Variants in NLRP9 observed in about 807,000 individuals in gnomAD.
The protein encoded by NLRP9 is NLR family pyrin domain containing 9, also known as NACHT, LRR and PYD domains-containing protein 9.
In NLRP9, 88 loss-of-function variants were observed where a neutral mutation model predicts 83.1. That is an observed-to-expected ratio of 1.06 (90% CI 0.89 to 1.26). NLRP9 has a LOEUF of 1.26. Among genes scored for constraint, NLRP9 ranks in the 50% most tolerant of loss-of-function variants. NLRP9 has a pLI of 0.00. For missense variants in NLRP9, 1,308 were observed against 1,179.3 expected (o/e 1.11, Z -1.60); for synonymous variants, 521 against 447.6 (o/e 1.16, Z -2.07).
chr19:55,714,976 C>T, intron 6 of NLRP9, 79 bp downstream of exon 6: 1 of 1,332,944 alleles, frequency 7.5e-7, no homozygotes, highest in Non-Finnish European at 1.0e-6. Context: ...CTAGCATATC[C>T]CTTTCCTATG....
rs1988522564 is a variant in NLRP9, at chr19:55,729,932, G to A, written c.1893C>T (p.Asn631=). The part of the protein sequence containing the change: ...ELCSMFITNK[N]FQILDMENTS... ...TATTTTCCATGTCTAAAATCTGGAA[G>A]TTCTTGTTGGTAATGAACATTGAGC... The change falls in exon 3 of 9, where the codon AAC becomes AAT. Residue 631 remains asparagine (N), a synonymous_variant. Transcript: ENST00000332836. The A allele has an allele frequency of 6.2e-7, 1 of 1,613,410 alleles. No homozygotes were observed. Among genetic ancestry groups the A allele is most frequent in the Admixed American group, 1.7e-5 (1 of 59,990 alleles).
intron 8 of NLRP9, among the ~76,000 whole-genome samples, chr19:55,710,671 A>AT (rs1987674767): frequency 6.6e-6 from 1 of 152,086 alleles, no homozygotes; most frequent in South Asian, 2.1e-4. Context: ...AGACGTGCCT[A>AT]TTTCTGCTTC....
intron 4 of NLRP9, among the ~76,000 whole-genome samples, chr19:55,717,907 G>A (rs536209730): frequency 6.6e-5 from 10 of 152,200 alleles, no homozygotes; most frequent in Non-Finnish European, 1.5e-4. Context: ...TCCTGCACTC[G>A]TGTGGGGAAA....
rs368327348 is a variant in NLRP9, at chr19:55,712,618, G to A, written c.2502-28C>T. 27 of 1,599,348 alleles carry A rather than the reference G, an allele frequency of 1.7e-5. No homozygotes were observed. The African/African-American group carries it at 2.2e-4, about 13-fold the overall frequency. The stretch of plus-strand genomic sequence containing the variant: ...GGGGAGGTGGAAGACACACAAATAC[G>A]TACACTTATGAGGTCAATCATAACA... On this transcript the variant is annotated intron_variant, in intron 6 of 8. Coordinates refer to ENST00000332836, the MANE Select transcript of NLRP9 (RefSeq NM_176820.4).
At chr19:55,718,211 G>T (rs932060869) in intron 4 of NLRP9, among the ~76,000 whole-genome samples, 3 of 152,190 alleles carry the variant, frequency 2.0e-5, no homozygotes, top group Non-Finnish European at 4.4e-5. Flanking sequence ...ACCTCTGCCC[G>T]AGAAAGCCTG....
Position 55,712,410 on chromosome 19 carries a change from A to T in NLRP9, c.2672+10T>A. On this transcript the variant is annotated intron_variant, in intron 7 of 8. Coordinates refer to ENST00000332836, the MANE Select transcript of NLRP9 (RefSeq NM_176820.4). The stretch of plus-strand genomic sequence containing the variant: ...AAATTTTCCTACGATGGTGATCAGT[A>T]GATACTCACCCGAGACACTCTAATT... The T allele has an allele frequency of 6.2e-7, 1 of 1,603,364 alleles. No homozygotes were observed. The highest frequency in any genetic ancestry group is 1.1e-5 in the South Asian group (1 of 90,848).
In NLRP9 at chr19:55,724,082, T is replaced by A. The variant is rs570870215; in HGVS notation, c.2057A>T (p.His686Leu). Residue 686 changes from histidine to leucine, a missense_variant, in exon 4 of 9, where the codon CAT becomes CTT. Physicochemically the swap from His to Leu is moderately conservative, Grantham distance 99. Transcript: ENST00000332836. Reference sequence around the variant, plus strand: ...GCCGTACAGGCTCAGAAGTTTCAGATGAGGGTTGTGAAGAACTGCCTTAAA... The same window carrying A: ...GCCGTACAGGCTCAGAAGTTTCAGAAGAGGGTTGTGAAGAACTGCCTTAAA... ...ELFKAVLHNPHLKLLSLYGTS... is the reference protein window; with the variant it reads ...ELFKAVLHNPLLKLLSLYGTS... The A allele has an allele frequency of 6.2e-7, 1 of 1,613,572 alleles. No homozygotes were observed. The highest frequency in any genetic ancestry group is 1.1e-5 in the South Asian group (1 of 91,066).
At position 55,732,922 on chromosome 19, in the gene NLRP9, C is replaced by A. The variant is rs764047085; in HGVS notation, c.909G>T (p.Lys303Asn). Reference sequence around the variant, plus strand: ...CAAAGAAGTAGGAGAAATACGACTTCTTTTCAGATTCACTGAATCCTAAGA... The same window carrying A: ...CAAAGAAGTAGGAGAAATACGACTTATTTTCAGATTCACTGAATCCTAAGA... ...IKLLGFSESE[K>N]KSYFSYFFGE... is the part of the protein sequence containing the mutation. Residue 303 changes from lysine to asparagine, a missense_variant, in exon 2 of 9, where the codon AAG (lysine) becomes AAT (asparagine). Lys to Asn is a moderately conservative substitution (Grantham distance 94, BLOSUM62 0). Transcript: ENST00000332836. The A allele has an allele frequency of 3.7e-6, 6 of 1,614,066 alleles. No homozygotes were observed. Among genetic ancestry groups the A allele is most frequent in the Admixed American group, 1.7e-5 (1 of 59,984 alleles).
rs754946347 is a variant in NLRP9, at chr19:55,738,278, GTTGT to G, written c.93_96del (p.Lys31AsnfsTer16). 1.5e-5 allele frequency: 24 copies of G among 1,613,936 alleles called. 1 individual carries two copies. The South Asian group carries it at 2.2e-4, about 15-fold the overall frequency. On this transcript the variant is annotated frameshift_variant, in exon 1 of 9. Coordinates refer to ENST00000332836, the MANE Select transcript of NLRP9 (RefSeq NM_176820.4). LOFTEE classifies it high-confidence loss of function. ...GGCTTGAGTTCAAATTTCTCCAAAG[GTTGT>G]TTGAGGAGCTCCTTAAATTTCCAAA...
chr19:55,738,110 G>C lies in NLRP9; in HGVS notation c.265C>G (p.Gln89Glu). The change falls in exon 1 of 9, where the codon CAG becomes GAG. Residue 89 changes from glutamine (Q) to glutamate (E), a missense_variant. Physicochemically the swap from Gln to Glu is conservative, Grantham distance 29 (BLOSUM62 2). Coordinates refer to ENST00000332836, the MANE Select transcript of NLRP9 (RefSeq NM_176820.4). Reference protein sequence around the residue: ...INRKDLWTKAQEEMRNKLNPY... With the variant: ...INRKDLWTKAEEEMRNKLNPY... ...CAGCACTTACTTCTCATCTCTTCCTGAGCCTTTGTCCAGAGATCTTTCCTA... is the reference window on the plus strand; with the variant it reads ...CAGCACTTACTTCTCATCTCTTCCTCAGCCTTTGTCCAGAGATCTTTCCTA... 2 of 1,614,082 alleles carry C rather than the reference G, an allele frequency of 1.2e-6. No homozygotes were observed. The highest frequency in any genetic ancestry group is 1.7e-6 in the Non-Finnish European group (2 of 1,179,998).
At chr19:55,712,123 G>C (rs112707343) in intron 7 of NLRP9, among the ~76,000 whole-genome samples, 153 bp from the exon 8 acceptor site, 1 of 152,158 alleles carries the variant, frequency 6.6e-6, no homozygotes, top group South Asian at 2.1e-4. Flanking sequence ...CCTGGGGGAC[G>C]TATGTCTAGT....
intron 6 of NLRP9, among the ~76,000 whole-genome samples, chr19:55,714,405 CTCAT>C (rs1987927111): frequency 6.6e-6 from 1 of 152,120 alleles, no homozygotes; most frequent in Admixed American, 6.6e-5. Flanking sequence ...TAGCTATCCT[CTCAT>C]TACCTGGGGA....
chr19:55,709,451 T>A (rs1659047686), intron 8 of NLRP9: 1 of 152,714 alleles, frequency 6.5e-6, no homozygotes, highest in Non-Finnish European at 1.5e-5. Flanking sequence ...CACCAACTTC[T>A]ACAATTACCA....
Position 55,729,966 on chromosome 19 carries a change from C to G in NLRP9, c.1859G>C (p.Arg620Pro). The change falls in exon 3 of 9, where the codon CGG becomes CCG. Residue 620 changes from arginine to proline, a missense_variant. Transcript: ENST00000332836. ...SDYNEKLVYW[R>P]ELCSMFITNK... ...GGTAATGAACATTGAGCAAAGCTCC[C>G]GCCAGTAGACGAGCTTCTCATTGTA... is the stretch of plus-strand genomic sequence containing the variant. 6.2e-7 allele frequency: 1 copy of G among 1,613,120 alleles called. No homozygotes were observed. The highest frequency in any genetic ancestry group is 8.5e-7 in the Non-Finnish European group (1 of 1,179,602).
chr19:55,734,223 G>A (rs1470439924), intron 1 of NLRP9, among the ~76,000 whole-genome samples: 1 of 151,302 alleles, frequency 6.6e-6, no homozygotes, highest in Non-Finnish European at 1.5e-5. Flanking sequence ...GCGCCCGGCT[G>A]TCAACCAGTA....
At chr19:55,737,223 T>C (rs1042204061) in intron 1 of NLRP9, 1 of 152,204 alleles carries the variant, frequency 6.6e-6, no homozygotes, top group African/African-American at 2.4e-5. Flanking sequence ...GTTTTCTCAC[T>C]TGTAAACCTT....
intron 3 of NLRP9, among the ~76,000 whole-genome samples, chr19:55,728,008 G>A (rs537623055): frequency 4.6e-5 from 7 of 152,242 alleles, no homozygotes; most frequent in East Asian, 3.9e-4. Flanking sequence ...TCCTCTCCCC[G>A]TGGGATCACC....
intron 4 of NLRP9, among the ~76,000 whole-genome samples, chr19:55,723,052 G>A (rs1008178651): frequency 6.6e-6 from 1 of 152,040 alleles, no homozygotes; most frequent in Admixed American, 6.6e-5. Flanking sequence ...TGTAAATGAC[G>A]AGTTGATGGG....
intron 4 of NLRP9, among the ~76,000 whole-genome samples, chr19:55,722,384 G>T (rs1011708537): frequency 1.3e-5 from 2 of 152,176 alleles, no homozygotes; most frequent in Non-Finnish European, 2.9e-5. Context: ...AAGTTGCCAT[G>T]ATATGGAAAC....
Sources: gnomAD v4.1 joint callset for allele counts (sites outside exome capture counted in the v4.1 genomes callset) on GRCh38, gnomAD v4.1.1 for gene constraint, MANE v1.5 for transcripts, NCBI Gene and HGNC (gene_info 2026-07-23, HGNC 2026-07-21) for gene names.